Variants in CHD1 observed in about 807,000 individuals in gnomAD.
CHD1 encodes the protein ATP-dependent chromatin remodeler CHD1.
A neutral mutation model predicts 224.2 loss-of-function variants in CHD1; 36 were observed. The ratio of observed to expected loss-of-function variants is 0.16; its 90% CI spans 0.12 to 0.21. The LOEUF (loss-of-function observed/expected upper bound fraction) is 0.21. Among genes scored for constraint, CHD1 ranks in the 10% least tolerant of loss-of-function variants. The pLI is 1.00. For missense variants in CHD1, 1,378 were observed against 1,994.8 expected, an observed-to-expected ratio of 0.69 and a Z score of 5.89; for synonymous variants, 668 against 658.3, an observed-to-expected ratio of 1.01 and a Z score of -0.23.
chr5:98,904,857 T>C (rs1477797768), intron 3 of CHD1, 40 bp downstream of exon 3: 23 of 1,587,862 alleles, frequency 1.4e-5, no homozygotes, highest in African/African-American at 2.7e-5. Context: ...CCCAAAGTAA[T>C]ACAAGCAATC....
chr5:98,885,579 T>A lies in CHD1; in HGVS notation c.2567A>T (p.Glu856Val), dbSNP rs371774346. ...AATTTTAAAAGCACTAATACATACC[T>A]CTGATCCCTCAGCATTAAAATGATC... Reference protein sequence around the residue: ...ALDHFNAEGSEDFCFLLSTRA... With the variant: ...ALDHFNAEGSVDFCFLLSTRA... The change falls in exon 18 of 36, where the codon GAG becomes GTG. Residue 856 changes from glutamate (E) to valine (V), a missense_variant and splice_region_variant. Glu to Val is a moderately radical substitution (Grantham distance 121, BLOSUM62 -2). This residue lies in a region of CHD1 where 57 missense variants were observed against 177.2 expected (regional missense o/e 0.32). Coordinates refer to ENST00000614616, the MANE Select transcript of CHD1 (RefSeq NM_001270.4). 19 of 1,577,350 alleles carry A rather than the reference T, an allele frequency of 1.2e-5. No individual in the cohort carries two copies. The highest frequency in any genetic ancestry group is 1.7e-5 in the Non-Finnish European group (19 of 1,150,428).
At chr5:98,858,628 A>C in intron 34 of CHD1, 1 of 466,954 alleles carries the variant, frequency 2.1e-6, no homozygotes, top group Non-Finnish European at 3.8e-6. Context: ...TTCCTTTCTC[A>C]GACTATACTT....
At chr5:98,877,535 TTGTA>T (rs1172688007) in intron 23 of CHD1, among the ~76,000 whole-genome samples, 9 of 152,234 alleles carry the variant, frequency 5.9e-5, no homozygotes, top group Admixed American at 6.5e-5. Context: ...AAAAGGCTAT[TTGTA>T]ACATCCATTA....
intron 2 of CHD1, among the ~76,000 whole-genome samples, chr5:98,918,418 A>G (rs1752883048): frequency 6.6e-6 from 1 of 151,744 alleles, no homozygotes; most frequent in Admixed American, 6.6e-5. Context: ...GATGTCAAAT[A>G]CATTCTCCTT....
chr5:98,872,587 A>T, intron 26 of CHD1, 32 bp from the exon 27 acceptor site: 1 of 1,588,044 alleles, frequency 6.3e-7, no homozygotes, highest in Non-Finnish European at 8.6e-7. Context: ...CAGTATTTTT[A>T]AAAGTATAAA....
rs769670359 is a variant in CHD1, at chr5:98,881,232, A to C, written c.2964+47T>G. 4.5e-5 allele frequency: 59 copies of C among 1,308,266 alleles called. No individual in the cohort carries two copies. In the Admixed American group the frequency reaches 1.4e-3, roughly 32 times the overall value. 81.0% of individuals were successfully genotyped at this position (1,308,266 alleles called of 1,614,324 possible). A position where few individuals can be genotyped will look rare whatever the true frequency, so the allele number is the denominator to read the frequency against. On this transcript the variant is annotated intron_variant, in intron 21 of 35. Transcript: ENST00000614616. The stretch of plus-strand genomic sequence containing the variant: ...ATCCTTTCATCCTGTCAAATATATG[A>C]CACATATTCTGAGGCAGGCCTTTTT...
intron 2 of CHD1, among the ~76,000 whole-genome samples, chr5:98,922,103 G>T (rs1412674805): frequency 2.0e-5 from 3 of 152,090 alleles, no homozygotes; most frequent in South Asian, 2.1e-4. Context: ...AGTGAGCCAA[G>T]ATCGTGCTAC....
chr5:98,902,814 T>A (rs1486925070), intron 5 of CHD1, 86 bp downstream of exon 5: 1 of 824,756 alleles, frequency 1.2e-6, no homozygotes, highest in African/African-American at 1.7e-5. Flanking sequence ...AGAGTCTCCT[T>A]TTGGCAACAA....
Position 98,854,394 on chromosome 5 carries a change from G to A in CHD1, c.*1986C>T, listed in dbSNP as rs1347723669. 1 of 151,948 alleles carries A rather than the reference G, an allele frequency of 6.6e-6. No homozygotes were observed. Among genetic ancestry groups the A allele is most frequent in the Non-Finnish European group, 1.5e-5 (1 of 67,928 alleles). 9.4% of individuals were successfully genotyped at this position (151,948 alleles called of 1,614,324 possible). On this transcript the variant is annotated 3_prime_UTR_variant, in exon 36 of 36. Transcript: ENST00000614616. ...AGCTTTTAGTAATAAATTAAAAAAT[G>A]CCAGCCACCATCTTATGACTTAAGC...
chr5:98,895,676 C>T (rs1751297729), intron 12 of CHD1, among the ~76,000 whole-genome samples: 1 of 150,930 alleles, frequency 6.6e-6, no homozygotes, highest in Non-Finnish European at 1.5e-5. Flanking sequence ...TCACTTGAAC[C>T]TGGGAGGTGG....
At chr5:98,911,142 A>T (rs1177262817) in intron 2 of CHD1, among the ~76,000 whole-genome samples, 97 of 81,306 alleles carry the variant, frequency 1.2e-3, no homozygotes, top group Middle Eastern at 7.0e-3. Flanking sequence ...AAAAAAAAAA[A>T]AAAAATATAT....
rs962261984 is a variant in CHD1 at position 98,898,893 on chromosome 5, TAAAG to T, written c.1086-133_1086-130del. The stretch of plus-strand genomic sequence containing the variant: ...CACTGTGTGGGCCAAGTTTGAGTAA[TAAAG>T]AAACTCAAACAGGAATAAAGCATCA... On this transcript the variant is annotated intron_variant, in intron 8 of 35. Coordinates refer to ENST00000614616, the MANE Select transcript of CHD1 (RefSeq NM_001270.4). The T allele has an allele frequency of 1.1e-5, 7 of 635,480 alleles. No homozygotes were observed. In the Admixed American group the frequency reaches 1.4e-4, roughly 13 times the overall value. The allele number at this position is 635,480 out of a possible 1,614,324, so 39.4% of individuals were successfully genotyped here.
chr5:98,903,342 C>T (rs1190157605), intron 4 of CHD1, among the ~76,000 whole-genome samples: 1 of 152,160 alleles, frequency 6.6e-6, no homozygotes. Flanking sequence ...TTTGTGCAAA[C>T]ATACATGTAT....
chr5:98,886,820 G>T (rs746424289), intron 17 of CHD1, among the ~76,000 whole-genome samples: 1 of 152,008 alleles, frequency 6.6e-6, no homozygotes. Context: ...ACTGTGGCAT[G>T]ACCTAAACCA....
intron 5 of CHD1, 36 bp from the exon 6 acceptor site, chr5:98,901,371 C>T (rs1310600690): frequency 1.3e-6 from 2 of 1,552,570 alleles, no homozygotes; most frequent in East Asian, 2.3e-5. Flanking sequence ...TTTATTTGTA[C>T]TTATATGGCA....
At chr5:98,910,384 AT>A (rs1752313787) in intron 2 of CHD1, among the ~76,000 whole-genome samples, 1 of 152,174 alleles carries the variant, frequency 6.6e-6, no homozygotes, top group Non-Finnish European at 1.5e-5. Flanking sequence ...AATAACTGCT[AT>A]AAAGTCAGGT....
At position 98,893,014 on chromosome 5, in the gene CHD1, T is replaced by C. The variant is rs566926810; in HGVS notation, c.1992-301A>G. On this transcript the variant is annotated intron_variant, in intron 14 of 35. Coordinates refer to ENST00000614616, the MANE Select transcript of CHD1 (RefSeq NM_001270.4). ...AAATATACTTTTAAAGTTCTGGACC[T>C]ACTGAAAGAGAACAAGTAGTGACCT... Among the ~76,000 whole-genome samples, 4 of 152,296 alleles carry C rather than the reference T, an allele frequency of 2.6e-5. No individual in the cohort carries two copies. The South Asian group carries it at 8.3e-4, about 32-fold the overall frequency.
intron 35 of CHD1, among the ~76,000 whole-genome samples, chr5:98,857,140 A>G (rs1240500724): frequency 6.6e-6 from 1 of 152,130 alleles, no homozygotes; most frequent in Non-Finnish European, 1.5e-5. Flanking sequence ...GCTAGAATGC[A>G]GTCTATGCTG....
intron 17 of CHD1, among the ~76,000 whole-genome samples, chr5:98,887,067 C>A (rs1032447950): frequency 6.6e-6 from 1 of 152,096 alleles, no homozygotes; most frequent in Non-Finnish European, 1.5e-5. Flanking sequence ...TCTAAAACCA[C>A]CTGTCGAACA....
Sources: allele counts gnomAD v4.1 joint callset (sites outside exome capture counted in the v4.1 genomes callset), GRCh38; gene constraint gnomAD v4.1.1; regional missense constraint gnomAD v4.1.1; transcripts MANE v1.5; gene names NCBI Gene and HGNC (gene_info 2026-07-23, HGNC 2026-07-21).